BCHE: variants seen among roughly 807,000 people sequenced by gnomAD.
The protein encoded by BCHE is butyrylcholinesterase.
A neutral mutation model predicts 51.3 loss-of-function variants in BCHE; 48 were observed. The observed-to-expected ratio is 0.94, with a 90% confidence interval of 0.74 to 1.19. The LOEUF (loss-of-function observed/expected upper bound fraction) is 1.19. BCHE is among the 50% of genes most tolerant of loss of function. The pLI, the probability that BCHE is intolerant of heterozygous loss-of-function variation, is 0.00. For synonymous variants in BCHE, 251 were observed against 238.0 expected, an observed-to-expected ratio of 1.05 and a Z score of -0.50; for missense variants, 847 against 708.2, an observed-to-expected ratio of 1.20 and a Z score of -2.23.
rs145887906 is a variant in BCHE at position 165,803,539 on chromosome 3, T to C, written c.1518-17228A>G. ...TTAATATCATCCAATTCCCAGACTA[T>C]ATTTCTTACTATTCTAAATTACTAA... On this transcript the variant is annotated intron_variant, in intron 2 of 3. Coordinates refer to ENST00000264381, the MANE Select transcript of BCHE (RefSeq NM_000055.4). Among the ~76,000 whole-genome samples the C allele has an allele frequency of 1.9e-3, 292 of 152,344 alleles. 1 individual carries two copies. The highest frequency in any genetic ancestry group is 6.8e-3 in the African/African-American group (284 of 41,586).
chr3:165,823,828 GTCCAC>G (rs1454790281), intron 2 of BCHE, among the ~76,000 whole-genome samples: 1 of 151,870 alleles, frequency 6.6e-6, no homozygotes, highest in Non-Finnish European at 1.5e-5. Context: ...CCTGATCATA[GTCCAC>G]TACAGCCATG....
chr3:165,774,808 C>T (rs1376892771), intron 3 of BCHE, among the ~76,000 whole-genome samples: 1 of 152,056 alleles, frequency 6.6e-6, no homozygotes, highest in Non-Finnish European at 1.5e-5. Context: ...GTAGGAATAG[C>T]GTGAGGCAGT....
chr3:165,807,271 ATTT>A (rs1193195120), intron 2 of BCHE, among the ~76,000 whole-genome samples: 1 of 151,740 alleles, frequency 6.6e-6, no homozygotes, highest in Non-Finnish European at 1.5e-5. Context: ...ACATAATATG[ATTT>A]TTATTTTTTC....
chr3:165,801,813 A>C (rs1245447933), intron 2 of BCHE, among the ~76,000 whole-genome samples: 1 of 152,128 alleles, frequency 6.6e-6, no homozygotes, highest in Non-Finnish European at 1.5e-5. Flanking sequence ...TCTGTTCTCT[A>C]TACACTATTT....
At chr3:165,783,081 A>T (rs1196012886) in intron 3 of BCHE, among the ~76,000 whole-genome samples, 1 of 151,938 alleles carries the variant, frequency 6.6e-6, no homozygotes, top group Non-Finnish European at 1.5e-5. Flanking sequence ...GATTATACTG[A>T]TATTTAATTA....
At chr3:165,832,057 C>T (rs570788961) in intron 1 of BCHE, among the ~76,000 whole-genome samples, 1 of 152,022 alleles carries the variant, frequency 6.6e-6, no homozygotes, top group African/African-American at 2.4e-5. Context: ...AGCTTAGAAA[C>T]TATTGGGCCA....
intron 1 of BCHE, among the ~76,000 whole-genome samples, chr3:165,831,498 A>C (rs1205693247): frequency 6.6e-6 from 1 of 152,180 alleles, no homozygotes; most frequent in Non-Finnish European, 1.5e-5. Flanking sequence ...AGAATTGTTA[A>C]GTAGGTTAAG....
chr3:165,835,528 A>T (rs944885100), intron 1 of BCHE, among the ~76,000 whole-genome samples: 3 of 151,828 alleles, frequency 2.0e-5, no homozygotes, highest in African/African-American at 7.2e-5. Context: ...GATAATATTA[A>T]TATGATCTAG....
chr3:165,830,459 C>T lies in BCHE; in HGVS notation c.575G>A (p.Gly192Glu), dbSNP rs1454926099. The T allele has an allele frequency of 2.5e-6, 4 of 1,613,728 alleles. No individual in the cohort carries two copies. The highest frequency in any genetic ancestry group is 2.2e-5 in the South Asian group (2 of 91,086). ...LALPGNPEAP[G>E]NMGLFDQQLA... The stretch of plus-strand genomic sequence containing the variant: ...CTGTTGATCAAATAAACCCATGTTC[C>T]CTGGAGCCTCAGGATTTCCTGGCAA... Residue 192 changes from glycine (G) to glutamate (E), a missense_variant, in exon 2 of 4, where the codon GGG (glycine) becomes GAG (glutamate). Gly to Glu is a moderately conservative substitution (Grantham distance 98). Transcript: ENST00000264381.
At chr3:165,824,696 G>A (rs372193408) in intron 2 of BCHE, among the ~76,000 whole-genome samples, 1 of 151,938 alleles carries the variant, frequency 6.6e-6, no homozygotes, top group East Asian at 1.9e-4. Flanking sequence ...TAGCAAGCTT[G>A]CATGACGTAG....
chr3:165,801,088 G>A (rs1431962651), intron 2 of BCHE, among the ~76,000 whole-genome samples: 1 of 152,052 alleles, frequency 6.6e-6, no homozygotes, highest in Non-Finnish European at 1.5e-5. Flanking sequence ...TCTAGCTTTT[G>A]CAAACAAACA....
intron 3 of BCHE, among the ~76,000 whole-genome samples, chr3:165,784,470 A>C (rs2108201055): frequency 6.6e-6 from 1 of 152,096 alleles, no homozygotes; most frequent in African/African-American, 2.4e-5. Context: ...TTATATTTTC[A>C]AGACACACTG....
intron 2 of BCHE, among the ~76,000 whole-genome samples, chr3:165,828,257 G>C (rs1356153050): frequency 6.6e-6 from 1 of 152,158 alleles, no homozygotes; most frequent in East Asian, 1.9e-4. Flanking sequence ...AGGGCACATT[G>C]AGAGAAGAAA....
intron 3 of BCHE, among the ~76,000 whole-genome samples, chr3:165,784,462 A>G (rs1231370543): frequency 1.3e-5 from 2 of 152,004 alleles, no homozygotes; most frequent in African/African-American, 2.4e-5. Flanking sequence ...ATACAAAATT[A>G]TATTTTCAAG....
chr3:165,827,702 A>C (rs567800667), intron 2 of BCHE, among the ~76,000 whole-genome samples: 53 of 152,236 alleles, frequency 3.5e-4, no homozygotes, highest in African/African-American at 1.2e-3. Flanking sequence ...GAATTTAAAG[A>C]AAGAATTAAA....
At chr3:165,775,854 T>TGAGTAAATAAAATATTGAGTTTG (rs1712449005) in intron 3 of BCHE, among the ~76,000 whole-genome samples, 1 of 151,976 alleles carries the variant, frequency 6.6e-6, no homozygotes, top group South Asian at 2.1e-4. Flanking sequence ...TACACCGTAA[T>TGAGTAAATAAAATATTGAGTTTG]GAGTAAATAA....
chr3:165,786,839 G>A (rs1332581277), intron 2 of BCHE, among the ~76,000 whole-genome samples: 1 of 151,644 alleles, frequency 6.6e-6, no homozygotes, highest in African/African-American at 2.4e-5. Context: ...TTTAAGTTTA[G>A]CTAACATCTC....
intron 2 of BCHE, among the ~76,000 whole-genome samples, chr3:165,809,573 A>G (rs1714000693): frequency 6.6e-6 from 1 of 152,174 alleles, no homozygotes; most frequent in Non-Finnish European, 1.5e-5. Flanking sequence ...CTACATGTAT[A>G]ACTTTTTAGA....
rs1399814419 is a variant in BCHE, at chr3:165,786,090, C to CT, written c.1684+54dup. 2.6e-6 allele frequency: 4 copies of CT among 1,564,630 alleles called. No homozygotes were observed. In the African/African-American group the frequency reaches 5.4e-5, roughly 21 times the overall value. On this transcript the variant is annotated intron_variant, in intron 3 of 3. Transcript: ENST00000264381. ...GTGCCTTGGAGAGTATACTTCATCC[C>CT]TTTTTTACATAACCCATCATCTATT...
Sources: allele counts gnomAD v4.1 joint callset (sites outside exome capture counted in the v4.1 genomes callset), GRCh38; gene constraint gnomAD v4.1.1; transcripts MANE v1.5; gene names NCBI Gene and HGNC (gene_info 2026-07-23, HGNC 2026-07-21).